TRAPPC9: variants seen among roughly 807,000 people sequenced by gnomAD.
TRAPPC9 encodes the protein trafficking protein particle complex subunit 9, also known as IKK2 binding protein.
TRAPPC9 carries 83 observed loss-of-function variants against 124.0 expected under a neutral mutation model. That is an observed-to-expected ratio of 0.67 (90% CI 0.56 to 0.80). The LOEUF (loss-of-function observed/expected upper bound fraction) is 0.80. Among genes scored for constraint, TRAPPC9 ranks in the 30% least tolerant of loss-of-function variants. The probability of loss-of-function intolerance (pLI) is 0.00; values close to 1 mark genes in which losing one functional copy is unlikely to be tolerated. For synonymous variants in TRAPPC9, 638 were observed against 617.5 expected, an observed-to-expected ratio of 1.03 and a Z score of -0.49; for missense variants, 1,302 against 1,508.3, an observed-to-expected ratio of 0.86 and a Z score of 2.27.
chr8:140,252,672 A>C lies in TRAPPC9; in HGVS notation c.2431+105T>G. The C allele has an allele frequency of 7.3e-7, 1 of 1,376,452 alleles. No individual in the cohort carries two copies. The highest frequency in any genetic ancestry group is 1.0e-6 in the Non-Finnish European group (1 of 979,236). The allele number at this position is 1,376,452 out of a possible 1,614,324, so 85.3% of individuals were successfully genotyped here. ...TGTCTCAGGCAGCTTGAGTTAATGA[A>C]TGACAAGTGAGTTACAAACAGCAAA... is the stretch of plus-strand genomic sequence containing the variant. On this transcript the variant is annotated intron_variant, in intron 16 of 22. Coordinates refer to ENST00000438773, the MANE Select transcript of TRAPPC9 (RefSeq NM_001160372.4). This position sits in a 1 kb window ranked among gnomAD's most constrained non-coding sequence, Gnocchi z 4.2.
chr8:139,983,665 C>T (rs1385884151), intron 19 of TRAPPC9, among the ~76,000 whole-genome samples: 1 of 152,124 alleles, frequency 6.6e-6, no homozygotes, highest in Non-Finnish European at 1.5e-5. Context: ...TCCATCTCAC[C>T]CTTTCTTCTG....
chr8:140,098,015 GCAGGGTAGTGTCA>G (rs949990605), intron 17 of TRAPPC9: 5 of 151,990 alleles, frequency 3.3e-5, no homozygotes, highest in African/African-American at 9.7e-5. Flanking sequence ...GCAGCCAACC[GCAGGGTAGTGTCA>G]CCCAGGTAGC....
chr8:139,734,525 AT>A (rs1314928739), intron 21 of TRAPPC9, among the ~76,000 whole-genome samples: 1 of 152,186 alleles, frequency 6.6e-6, no homozygotes, highest in Non-Finnish European at 1.5e-5. Flanking sequence ...AGAAATAAAC[AT>A]TTCTAAGAGA....
intron 18 of TRAPPC9, among the ~76,000 whole-genome samples, chr8:140,012,919 A>G (rs1839226004): frequency 6.6e-6 from 1 of 152,190 alleles, no homozygotes; most frequent in Admixed American, 6.5e-5. Context: ...CTAAGGAAGC[A>G]AAGGGGTTAC....
At chr8:140,179,993 AT>A (rs71520259) in intron 17 of TRAPPC9, among the ~76,000 whole-genome samples, 3,735 of 89,910 alleles carry the variant, frequency 0.042, 19 homozygotes, top group South Asian at 0.05. Flanking sequence ...TTATATCTTG[AT>A]TTTTTTTTTT....
At chr8:140,311,578 G>T (rs1221989859) in intron 9 of TRAPPC9, among the ~76,000 whole-genome samples, 1 of 152,144 alleles carries the variant, frequency 6.6e-6, no homozygotes, top group Non-Finnish European at 1.5e-5. Context: ...CCTCTTAAGG[G>T]CCTGTGGATA....
At chr8:140,122,050 T>TCTCC (rs1365639911) in intron 17 of TRAPPC9, among the ~76,000 whole-genome samples, 1 of 149,794 alleles carries the variant, frequency 6.7e-6, no homozygotes, top group Non-Finnish European at 1.5e-5. Context: ...TCTCTCTCTC[T>TCTCC]CCCTTTCTCC....
At chr8:140,258,982 A>G (rs1366172617) in intron 15 of TRAPPC9, among the ~76,000 whole-genome samples, 1 of 152,188 alleles carries the variant, frequency 6.6e-6, no homozygotes, top group Non-Finnish European at 1.5e-5. Flanking sequence ...GGGCCCCAAG[A>G]ACCAGCCGCC....
At chr8:140,453,775 A>ACAAAAAC (rs1203359909) in intron 1 of TRAPPC9, among the ~76,000 whole-genome samples, 1 of 152,168 alleles carries the variant, frequency 6.6e-6, no homozygotes, top group Non-Finnish European at 1.5e-5. Context: ...TTTTCTGCAC[A>ACAAAAAC]CAAAAACCAC....
intron 17 of TRAPPC9, among the ~76,000 whole-genome samples, chr8:140,028,046 TCA>T (rs1167202677): frequency 1.3e-5 from 2 of 152,130 alleles, no homozygotes; most frequent in African/African-American, 4.8e-5. Context: ...AAGTTCAGTG[TCA>T]CTGCCTTACC....
At chr8:140,279,008 C>A (rs557995862) in intron 14 of TRAPPC9, among the ~76,000 whole-genome samples, 1 of 152,226 alleles carries the variant, frequency 6.6e-6, no homozygotes, top group Non-Finnish European at 1.5e-5. Context: ...AATTCTCCTG[C>A]GCCATGGTCT....
chr8:140,336,553 AG>A (rs977674186), intron 9 of TRAPPC9, among the ~76,000 whole-genome samples: 1 of 152,250 alleles, frequency 6.6e-6, no homozygotes, highest in Non-Finnish European at 1.5e-5. Flanking sequence ...TCAAGGCCCC[AG>A]TAACGCACAC....
chr8:140,325,931 G>A (rs958136938), intron 9 of TRAPPC9, among the ~76,000 whole-genome samples: 3 of 151,984 alleles, frequency 2.0e-5, no homozygotes, highest in African/African-American at 7.3e-5. Context: ...GTTCTCAGCT[G>A]GCACCCCCAA....
At chr8:140,048,137 T>C (rs934133227) in intron 17 of TRAPPC9, among the ~76,000 whole-genome samples, 3 of 152,216 alleles carry the variant, frequency 2.0e-5, no homozygotes, top group African/African-American at 7.2e-5. Context: ...GGCTTGTCCA[T>C]GCCAGCTCTG....
chr8:139,978,230 G>A (rs1255501176), intron 19 of TRAPPC9, among the ~76,000 whole-genome samples: 3 of 152,102 alleles, frequency 2.0e-5, no homozygotes, highest in African/African-American at 7.2e-5. Flanking sequence ...ACCCCACCCT[G>A]GGACCTTTTT....
In TRAPPC9 at chr8:139,819,620, A is replaced by G. The variant is rs140954834; in HGVS notation, c.3055+66259T>C. The stretch of plus-strand genomic sequence containing the variant: ...TTCCACTGATGAGCACAGGGCAAAA[A>G]TTCTAAATGAAGCATTAGCAAATCA... On this transcript the variant is annotated intron_variant, in intron 21 of 22. Transcript: ENST00000438773. Among the ~76,000 whole-genome samples the G allele has an allele frequency of 3.5e-3, 531 of 152,302 alleles. 3 individuals carry two copies. Among genetic ancestry groups the G allele is most frequent in the African/African-American group, 0.012 (485 of 41,562 alleles).
chr8:140,207,749 G>A (rs968422664), intron 17 of TRAPPC9, among the ~76,000 whole-genome samples: 1 of 152,214 alleles, frequency 6.6e-6, no homozygotes, highest in Non-Finnish European at 1.5e-5. Flanking sequence ...TCATAACCTG[G>A]GAGAATACTG....
At chr8:139,873,611 G>A (rs529935933) in intron 21 of TRAPPC9, among the ~76,000 whole-genome samples, 7 of 152,188 alleles carry the variant, frequency 4.6e-5, no homozygotes, top group South Asian at 2.1e-4. Flanking sequence ...GTCTTGGGAA[G>A]AGGACAGACA....
chr8:140,419,998 C>T (rs1360698433), intron 5 of TRAPPC9, among the ~76,000 whole-genome samples: 1 of 152,058 alleles, frequency 6.6e-6, no homozygotes, highest in Non-Finnish European at 1.5e-5. Flanking sequence ...GAAATGAGTT[C>T]CACAAATTTG....
Sources: gnomAD v4.1 joint callset for allele counts (sites outside exome capture counted in the v4.1 genomes callset) on GRCh38, gnomAD v4.1.1 for gene constraint, Gnocchi (gnomAD v3.1) non-coding constraint, MANE v1.5 for transcripts, NCBI Gene and HGNC (gene_info 2026-07-23, HGNC 2026-07-21) for gene names.